Variants in NPAS3 observed in about 807,000 individuals in gnomAD.
NPAS3 encodes the protein neuronal PAS domain-containing protein 3.
Under a neutral mutation model 73.1 loss-of-function variants are expected in NPAS3, and 14 were observed. The observed-to-expected ratio is 0.19, with a 90% CI of 0.13 to 0.30. The LOEUF (loss-of-function observed/expected upper bound fraction) is 0.30. NPAS3 is among the 10% of genes least tolerant of loss of function. The pLI is 1.00. For synonymous variants in NPAS3, 620 were observed against 541.5 expected (o/e 1.14, Z -2.01); for missense variants, 1,096 against 1,250.0 (o/e 0.88, Z 1.86).
chr14:33,293,675 G>A (rs2042186026), intron 3 of NPAS3, among the ~76,000 whole-genome samples: 1 of 152,124 alleles, frequency 6.6e-6, no homozygotes, highest in Non-Finnish European at 1.5e-5. Context: ...GTGGAGGAAA[G>A]GATCTTATGA....
At chr14:33,639,774 G>A (rs2058624056) in intron 5 of NPAS3, among the ~76,000 whole-genome samples, 1 of 152,152 alleles carries the variant, frequency 6.6e-6, no homozygotes, top group South Asian at 2.1e-4. Flanking sequence ...TAGAAAGTAG[G>A]CATTTAAAAG....
At chr14:33,286,764 G>C (rs2041893219) in intron 3 of NPAS3, among the ~76,000 whole-genome samples, 1 of 152,102 alleles carries the variant, frequency 6.6e-6, no homozygotes, top group Non-Finnish European at 1.5e-5. Context: ...ACTATAGTTA[G>C]AGGATTGACT....
At chr14:33,284,687 A>G (rs2041790947) in intron 3 of NPAS3, among the ~76,000 whole-genome samples, 1 of 152,184 alleles carries the variant, frequency 6.6e-6, no homozygotes. Context: ...TTCACATTGC[A>G]TAATATGTAT....
At chr14:33,073,978 A>G (rs1207947941) in intron 2 of NPAS3, among the ~76,000 whole-genome samples, 4 of 152,218 alleles carry the variant, frequency 2.6e-5, no homozygotes, top group African/African-American at 9.6e-5. Context: ...GCATCATGTC[A>G]TCTCCTGACT....
chr14:33,180,459 A>C lies in NPAS3; in HGVS notation c.141-34723A>C, dbSNP rs554016084. ...ATCCTTGTAGTTAATAAGAAAGCAC[A>C]TGTTCTTAATGTTGCAAATAATCGT... On this transcript the variant is annotated intron_variant, in intron 2 of 11. Coordinates refer to ENST00000356141, the Ensembl canonical transcript of NPAS3. Among the ~76,000 whole-genome samples, 4 of 152,270 alleles carry C rather than the reference A, an allele frequency of 2.6e-5. No individual in the cohort carries two copies. In the East Asian group the frequency reaches 7.7e-4, roughly 29 times the overall value.
intron 2 of NPAS3, among the ~76,000 whole-genome samples, chr14:33,171,614 C>T (rs959321498): frequency 2.6e-5 from 4 of 152,202 alleles, no homozygotes; most frequent in East Asian, 1.9e-4. Context: ...TTTTGGCTTA[C>T]GGGAATGTTG....
chr14:33,419,113 T>A (rs1456190911), intron 4 of NPAS3, among the ~76,000 whole-genome samples: 1 of 151,874 alleles, frequency 6.6e-6, no homozygotes, highest in Non-Finnish European at 1.5e-5. Context: ...AGCTCTAACA[T>A]CTGATAATGA....
At position 33,142,997 on chromosome 14, in the gene NPAS3, C is replaced by T. The variant is rs1287994591; in HGVS notation, c.141-72185C>T. On this transcript the variant is annotated intron_variant, in intron 2 of 11. Coordinates refer to ENST00000356141, the Ensembl canonical transcript of NPAS3. ...ACAGGCACCTGTAATCCCAGCTACTCCAGAGGCTCAGGCAGGAGAATGACT... is the reference window on the plus strand; with the variant it reads ...ACAGGCACCTGTAATCCCAGCTACTTCAGAGGCTCAGGCAGGAGAATGACT... Among the ~76,000 whole-genome samples the T allele has an allele frequency of 3.3e-5, 5 of 152,120 alleles. No homozygotes were observed. In the East Asian group the frequency reaches 9.7e-4, roughly 30 times the overall value.
chr14:33,128,121 G>A (rs1335904115), intron 2 of NPAS3, among the ~76,000 whole-genome samples: 2 of 152,104 alleles, frequency 1.3e-5, no homozygotes, highest in African/African-American at 2.4e-5. Flanking sequence ...TAATTAAAAT[G>A]CAAAAAAGCT....
At chr14:33,403,542 C>A (rs2047535980) in intron 4 of NPAS3, among the ~76,000 whole-genome samples, 1 of 152,000 alleles carries the variant, frequency 6.6e-6, no homozygotes, top group Non-Finnish European at 1.5e-5. Context: ...TACCTAAAGC[C>A]ACATAGTTTA....
intron 3 of NPAS3, among the ~76,000 whole-genome samples, chr14:33,224,066 T>C (rs1480042679): frequency 6.6e-6 from 1 of 152,172 alleles, no homozygotes; most frequent in Non-Finnish European, 1.5e-5. Context: ...ATCCAACTTA[T>C]TTTAAAAAGT....
intron 1 of NPAS3, among the ~76,000 whole-genome samples, chr14:32,952,687 C>G (rs1366974612): frequency 6.6e-6 from 1 of 152,078 alleles, no homozygotes; most frequent in Non-Finnish European, 1.5e-5. Flanking sequence ...ATTTTCATTG[C>G]TAACCATATT....
intron 5 of NPAS3, among the ~76,000 whole-genome samples, chr14:33,592,800 T>A (rs146346199): frequency 0.033 from 5,016 of 152,304 alleles, 125 homozygotes; most frequent in South Asian, 0.11. Context: ...AGATGCTAAT[T>A]GGACGAAACT....
intron 4 of NPAS3, among the ~76,000 whole-genome samples, chr14:33,386,108 A>G (rs984177949): frequency 6.6e-6 from 1 of 151,996 alleles, no homozygotes; most frequent in African/African-American, 2.4e-5. Flanking sequence ...GTGCTCAGGG[A>G]AAGTTAGGAC....
At chr14:33,169,080 A>G (rs1052348423) in intron 2 of NPAS3, among the ~76,000 whole-genome samples, 15 of 152,256 alleles carry the variant, frequency 9.9e-5, no homozygotes, top group African/African-American at 9.6e-5. Flanking sequence ...GAGTGGCATA[A>G]GAATCCATAA....
chr14:33,560,614 T>C (rs2055597114), intron 5 of NPAS3, among the ~76,000 whole-genome samples: 1 of 152,158 alleles, frequency 6.6e-6, no homozygotes, highest in African/African-American at 2.4e-5. Flanking sequence ...GCAGGAGTCA[T>C]TTGGAGTCAA....
At chr14:33,250,795 C>A (rs376596275) in intron 3 of NPAS3, among the ~76,000 whole-genome samples, 1 of 151,920 alleles carries the variant, frequency 6.6e-6, no homozygotes, top group East Asian at 1.9e-4. Context: ...AGGAATGAGA[C>A]CAACTACTTG....
At chr14:33,519,629 A>G (rs1473031231) in intron 4 of NPAS3, among the ~76,000 whole-genome samples, 3 of 152,154 alleles carry the variant, frequency 2.0e-5, no homozygotes, top group Non-Finnish European at 4.4e-5. Flanking sequence ...GTACAGATAC[A>G]TGGCTTGTAA....
At chr14:33,544,956 C>A (rs1452947927) in intron 4 of NPAS3, among the ~76,000 whole-genome samples, 2 of 149,468 alleles carry the variant, frequency 1.3e-5, no homozygotes, top group South Asian at 4.2e-4. Flanking sequence ...TTATAAAAAT[C>A]ATTTTTCTCC....
Sources: allele counts gnomAD v4.1 joint callset (sites outside exome capture counted in the v4.1 genomes callset), GRCh38; gene constraint gnomAD v4.1.1; transcripts MANE v1.5; gene names NCBI Gene and HGNC (gene_info 2026-07-23, HGNC 2026-07-21).